The following POU6F2 variants were observed in gnomAD, a reference collection of about 807,000 sequenced individuals.
POU6F2 encodes POU class 6 homeobox 2.
Under a neutral mutation model 71.3 loss-of-function variants are expected in POU6F2, and 31 were observed. The observed-to-expected ratio is 0.43, with a 90% CI of 0.33 to 0.59. POU6F2 has a LOEUF of 0.59. Ranked by LOEUF, POU6F2 falls within the 20% of genes least tolerant of loss-of-function variation. The pLI is 0.04. For missense variants in POU6F2, 783 were observed against 856.8 expected, an observed-to-expected ratio of 0.91 and a Z score of 1.07; for synonymous variants, 347 against 355.7, an observed-to-expected ratio of 0.98 and a Z score of 0.27.
intron 1 of POU6F2, among the ~76,000 whole-genome samples, chr7:39,015,829 A>C (rs1358624944): frequency 2.6e-4 from 16 of 62,036 alleles, no homozygotes; most frequent in East Asian, 1.0e-3. Flanking sequence ...TATTATATAT[A>C]GATATATAAT....
At chr7:39,421,307 T>A (rs1787845242) in intron 6 of POU6F2, among the ~76,000 whole-genome samples, 1 of 152,312 alleles carries the variant, frequency 6.6e-6, no homozygotes, top group Non-Finnish European at 1.5e-5. Context: ...TTTTTCTGAT[T>A]GAATAGATAG....
At chr7:39,299,443 C>G (rs1425152616) in intron 4 of POU6F2, among the ~76,000 whole-genome samples, 1 of 152,086 alleles carries the variant, frequency 6.6e-6, no homozygotes, top group Non-Finnish European at 1.5e-5. Context: ...CTGAATTGTG[C>G]CTACAGCATT....
chr7:39,087,886 C>T (rs984764753), intron 2 of POU6F2, among the ~76,000 whole-genome samples: 7 of 151,982 alleles, frequency 4.6e-5, no homozygotes, highest in South Asian at 2.1e-4. Flanking sequence ...TGTTATGCTA[C>T]GTCTTACTGA....
chr7:39,137,739 C>T (rs187998193), intron 2 of POU6F2, among the ~76,000 whole-genome samples: 43 of 152,328 alleles, frequency 2.8e-4, no homozygotes, highest in African/African-American at 9.6e-4. Flanking sequence ...AATAGCATTA[C>T]TCTTTATAAA....
At chr7:39,462,099 T>C (rs1223061311) in intron 9 of POU6F2, among the ~76,000 whole-genome samples, 5 of 152,260 alleles carry the variant, frequency 3.3e-5, no homozygotes, top group African/African-American at 4.8e-5. Flanking sequence ...GATTTTCTTT[T>C]ATTGATACAA....
intron 5 of POU6F2, 54 bp downstream of exon 5, chr7:39,340,069 G>A: frequency 2.0e-6 from 3 of 1,523,516 alleles, no homozygotes; most frequent in East Asian, 2.3e-5. Context: ...ACCTTTCCAT[G>A]GGGTGGTGCC....
intron 4 of POU6F2, among the ~76,000 whole-genome samples, chr7:39,245,771 A>G (rs1198453108): frequency 6.6e-6 from 1 of 152,190 alleles, no homozygotes; most frequent in Non-Finnish European, 1.5e-5. Flanking sequence ...CAATAGGAGC[A>G]TCAGTGGGGA....
chr7:39,200,165 G>A (rs537726503), intron 2 of POU6F2, among the ~76,000 whole-genome samples: 7 of 152,290 alleles, frequency 4.6e-5, no homozygotes, highest in East Asian at 3.9e-4. Flanking sequence ...TTCAGAAAAC[G>A]GATTGCATAT....
intron 9 of POU6F2, among the ~76,000 whole-genome samples, chr7:39,462,990 G>C (rs1212776795): frequency 1.3e-5 from 2 of 152,182 alleles, no homozygotes; most frequent in Non-Finnish European, 2.9e-5. Flanking sequence ...AGTAACATGG[G>C]CTCAGTTTAG....
intron 4 of POU6F2, among the ~76,000 whole-genome samples, chr7:39,301,038 G>C (rs1234869020): frequency 6.6e-6 from 1 of 152,142 alleles, no homozygotes; most frequent in East Asian, 1.9e-4. Flanking sequence ...GAGTAACTTT[G>C]CCTTTCTTCT....
chr7:39,200,728 G>C (rs1167698335), intron 2 of POU6F2, among the ~76,000 whole-genome samples: 1 of 152,016 alleles, frequency 6.6e-6, no homozygotes, highest in Non-Finnish European at 1.5e-5. Context: ...ATACAATTTA[G>C]GCTGGGCATT....
At chr7:39,097,560 A>G (rs907381531) in intron 2 of POU6F2, among the ~76,000 whole-genome samples, 2 of 152,214 alleles carry the variant, frequency 1.3e-5, no homozygotes, top group Non-Finnish European at 2.9e-5. Flanking sequence ...AGTGTAGAAT[A>G]GAAGTGAAAA....
intron 4 of POU6F2, among the ~76,000 whole-genome samples, chr7:39,308,558 C>T (rs1785093302): frequency 6.6e-6 from 1 of 152,166 alleles, no homozygotes; most frequent in Admixed American, 6.5e-5. Flanking sequence ...GAGCTCATGT[C>T]TCTAGGTAAA....
At chr7:39,404,240 A>G (rs1024446826) in intron 5 of POU6F2, among the ~76,000 whole-genome samples, 1 of 152,230 alleles carries the variant, frequency 6.6e-6, no homozygotes, top group Non-Finnish European at 1.5e-5. Context: ...TTTTAAGTAG[A>G]GACTTTGTTT....
At chr7:39,430,833 G>C (rs1788083403) in intron 6 of POU6F2, among the ~76,000 whole-genome samples, 1 of 152,158 alleles carries the variant, frequency 6.6e-6, no homozygotes. Flanking sequence ...AGGCTGATAG[G>C]ATGAAATGAG....
intron 8 of POU6F2, among the ~76,000 whole-genome samples, chr7:39,457,086 C>T (rs1011758375): frequency 4.6e-5 from 7 of 152,254 alleles, no homozygotes; most frequent in Admixed American, 6.5e-5. Flanking sequence ...GCAGCCTGCA[C>T]GATCACACAT....
intron 4 of POU6F2, among the ~76,000 whole-genome samples, chr7:39,229,571 G>T (rs961575344): frequency 6.6e-6 from 1 of 152,184 alleles, no homozygotes; most frequent in Non-Finnish European, 1.5e-5. Flanking sequence ...TTTAGGAAAA[G>T]AGAAAAACCT....
intron 4 of POU6F2, among the ~76,000 whole-genome samples, chr7:39,329,294 T>C (rs1418664099): frequency 1.3e-5 from 2 of 149,784 alleles, no homozygotes; most frequent in African/African-American, 4.9e-5. Flanking sequence ...TGTCTGTGTA[T>C]ATGAGACAGA....
At chr7:39,322,243 G>A (rs550045600) in intron 4 of POU6F2, among the ~76,000 whole-genome samples, 2 of 152,298 alleles carry the variant, frequency 1.3e-5, no homozygotes, top group South Asian at 4.1e-4. Context: ...GGGAAGAGAA[G>A]TGAGTAACTG....
Sources: gnomAD v4.1 joint callset for allele counts (sites outside exome capture counted in the v4.1 genomes callset) on GRCh38, gnomAD v4.1.1 for gene constraint, MANE v1.5 for transcripts, NCBI Gene and HGNC (gene_info 2026-07-23, HGNC 2026-07-21) for gene names.